B4GALT6: variants seen among roughly 807,000 people sequenced by gnomAD.
The protein encoded by B4GALT6 is beta-1,4-galactosyltransferase 6, also known as UDP-Gal:beta-GlcNAc beta-1,4-galactosyltransferase 6.
B4GALT6 carries 14 observed loss-of-function variants against 46.3 expected under a neutral mutation model. The observed-to-expected ratio is 0.30, with a 90% CI of 0.20 to 0.47. B4GALT6 has a LOEUF of 0.47. B4GALT6 is among the 20% of genes least tolerant of loss of function. The probability of loss-of-function intolerance (pLI) is 0.99; values close to 1 mark genes in which losing one functional copy is unlikely to be tolerated. For synonymous variants in B4GALT6, 168 were observed against 162.0 expected, an observed-to-expected ratio of 1.04 and a Z score of -0.28; for missense variants, 386 against 480.1, an observed-to-expected ratio of 0.80 and a Z score of 1.83.
the B4GALT6 span, among the ~76,000 whole-genome samples, chr18:31,690,978 G>A: frequency 4.6e-5 from 7 of 151,954 alleles, no homozygotes; most frequent in Non-Finnish European, 1.0e-4. Context: ...CCACACACCG[G>A]AGCCTGTCAG....
the B4GALT6 span, among the ~76,000 whole-genome samples, chr18:31,720,076 A>G: frequency 2.0e-5 from 3 of 152,232 alleles, no homozygotes; most frequent in African/African-American, 4.8e-5. Flanking sequence ...GCTGTTATTA[A>G]TTTTGTTTTA....
At chr18:31,720,138 A>C in the B4GALT6 span, among the ~76,000 whole-genome samples, 1 of 152,278 alleles carries the variant, frequency 6.6e-6, no homozygotes, top group African/African-American at 2.4e-5. Context: ...GCCTATGCCC[A>C]GGAATGAACA....
intron 5 of B4GALT6, among the ~76,000 whole-genome samples, chr18:31,633,022 A>G (rs1451666003): frequency 6.6e-6 from 1 of 152,102 alleles, no homozygotes; most frequent in Non-Finnish European, 1.5e-5. Context: ...ATTCTTCAAG[A>G]GCTTGCTAAG....
Position 31,645,499 on chromosome 18 carries a change from A to C in B4GALT6, c.347-20T>G, listed in dbSNP as rs2073981404. 2 of 1,600,402 alleles carry C rather than the reference A, an allele frequency of 1.2e-6. No individual in the cohort carries two copies. Among genetic ancestry groups the C allele is most frequent in the Non-Finnish European group, 1.7e-6 (2 of 1,176,232 alleles). On this transcript the variant is annotated intron_variant, in intron 3 of 8. Coordinates refer to ENST00000306851, the MANE Select transcript of B4GALT6 (RefSeq NM_004775.5). ...ATCCTCCTACAAATTAAAAATGTAAAGAATTGTTTTAATATTTTTTGCCTC... is the reference window on the plus strand; with the variant it reads ...ATCCTCCTACAAATTAAAAATGTAACGAATTGTTTTAATATTTTTTGCCTC...
chr18:31,638,943 A>G (rs1259399969), intron 4 of B4GALT6, among the ~76,000 whole-genome samples, 183 bp from the exon 5 acceptor site: 2 of 152,230 alleles, frequency 1.3e-5, no homozygotes, highest in South Asian at 2.1e-4. Flanking sequence ...CTATGGTCTT[A>G]TAAAGCTGAG....
the B4GALT6 span, among the ~76,000 whole-genome samples, chr18:31,700,468 T>TGTGTGTGTGTGA: frequency 8.2e-3 from 1,209 of 148,334 alleles, 19 homozygotes; most frequent in African/African-American, 0.023. Flanking sequence ...TGTGTGTGTG[T>TGTGTGTGTGTGA]GAGAGAGAGA....
chr18:31,626,921 G>T, intron 7 of B4GALT6, 78 bp downstream of exon 7: 2 of 1,237,688 alleles, frequency 1.6e-6, no homozygotes, highest in South Asian at 1.5e-5. Context: ...TTCTTGGAAT[G>T]GATAAGTACT....
chr18:31,683,440 T>G (rs2074504581), intron 1 of B4GALT6, among the ~76,000 whole-genome samples: 1 of 152,212 alleles, frequency 6.6e-6, no homozygotes, highest in Non-Finnish European at 1.5e-5. Flanking sequence ...AGAAAAGTTT[T>G]GGAAATATGA....
the B4GALT6 span, among the ~76,000 whole-genome samples, chr18:31,707,231 CTTTT>C: frequency 7.1e-6 from 1 of 140,016 alleles, no homozygotes; most frequent in Non-Finnish European, 1.5e-5. Context: ...TCTTTTCTTT[CTTTT>C]TTTTTTTTTT....
At chr18:31,664,411 G>A (rs1042500771) in intron 2 of B4GALT6, among the ~76,000 whole-genome samples, 1 of 152,048 alleles carries the variant, frequency 6.6e-6, no homozygotes, top group African/African-American at 2.4e-5. Flanking sequence ...CATTAGTAAA[G>A]GAACCCTATG....
chr18:31,707,814 C>G, the B4GALT6 span, among the ~76,000 whole-genome samples: 1 of 152,010 alleles, frequency 6.6e-6, no homozygotes, highest in Non-Finnish European at 1.5e-5. Flanking sequence ...AACAATGGTT[C>G]TATATTCTTT....
At chr18:31,691,605 A>G in the B4GALT6 span, among the ~76,000 whole-genome samples, 1 of 152,176 alleles carries the variant, frequency 6.6e-6, no homozygotes, top group Middle Eastern at 3.4e-3. Flanking sequence ...ACCATTTTCT[A>G]TTCATTTATT....
At chr18:31,649,694 A>T (rs1364867694) in intron 3 of B4GALT6, among the ~76,000 whole-genome samples, 1 of 152,196 alleles carries the variant, frequency 6.6e-6, no homozygotes, top group African/African-American at 2.4e-5. Context: ...TGCATATTAA[A>T]ACCACGATAA....
chr18:31,661,445 C>A (rs576340005), intron 2 of B4GALT6, among the ~76,000 whole-genome samples: 1 of 152,140 alleles, frequency 6.6e-6, no homozygotes, highest in African/African-American at 2.4e-5. Flanking sequence ...ATAAAAAGTT[C>A]TACTTAAAAA....
chr18:31,628,217 T>G (rs1343480643), intron 6 of B4GALT6, among the ~76,000 whole-genome samples: 1 of 152,076 alleles, frequency 6.6e-6, no homozygotes, highest in Admixed American at 6.5e-5. Context: ...ACAACCATAC[T>G]CTCCTGAGAC....
intron 3 of B4GALT6, among the ~76,000 whole-genome samples, chr18:31,652,229 C>A (rs1047728750): frequency 1.3e-5 from 2 of 152,222 alleles, no homozygotes; most frequent in South Asian, 2.1e-4. Flanking sequence ...TCTACATACA[C>A]TTCTGACGCA....
chr18:31,652,062 G>A (rs765165393), intron 3 of B4GALT6, among the ~76,000 whole-genome samples: 19 of 152,056 alleles, frequency 1.2e-4, no homozygotes, highest in South Asian at 2.1e-4. Flanking sequence ...GAGCCACGGC[G>A]CCCGGCCTCT....
upstream of B4GALT6, chr18:31,684,655 C>A (rs1598940915): frequency 1.1e-6 from 1 of 928,720 alleles, no homozygotes; most frequent in Non-Finnish European, 1.3e-6. Flanking sequence ...GGCCGAGGGA[C>A]AAGAGGTGGA....
At chr18:31,662,998 T>C (rs1212487867) in intron 2 of B4GALT6, among the ~76,000 whole-genome samples, 2 of 152,202 alleles carry the variant, frequency 1.3e-5, no homozygotes, top group African/African-American at 4.8e-5. Context: ...ACAACTGCTA[T>C]AAAAGGTAGA....
Sources: allele counts gnomAD v4.1 joint callset (sites outside exome capture counted in the v4.1 genomes callset), GRCh38; gene constraint gnomAD v4.1.1; transcripts MANE v1.5; gene names NCBI Gene and HGNC (gene_info 2026-07-23, HGNC 2026-07-21).